Variants in C14orf132 observed in about 807,000 individuals in gnomAD.
C14orf132 encodes uncharacterized protein C14orf132.
In C14orf132, 6 loss-of-function variants were observed where a neutral mutation model predicts 5.8. The ratio of observed to expected loss-of-function variants is 1.03; its 90% CI spans 0.57 to 2.04. C14orf132 has a LOEUF of 2.04. Among genes scored for constraint, C14orf132 ranks in the 30% most tolerant of loss-of-function variants. The probability of loss-of-function intolerance (pLI) is 0.00; values close to 1 mark genes in which losing one functional copy is unlikely to be tolerated. For missense variants in C14orf132, 125 were observed against 115.8 expected (o/e 1.08, Z -0.37); for synonymous variants, 51 against 49.8 (o/e 1.02, Z -0.10).
chr14:96,064,382 A>ACG (rs1489508845), intron 1 of C14orf132, among the ~76,000 whole-genome samples: 1 of 149,432 alleles, frequency 6.7e-6, no homozygotes, highest in Non-Finnish European at 1.5e-5. Context: ...ACACACACAC[A>ACG]CACACACACA....
intron 1 of C14orf132, among the ~76,000 whole-genome samples, chr14:96,085,262 CTG>C (rs1257424689): frequency 6.6e-6 from 1 of 152,234 alleles, no homozygotes; most frequent in Non-Finnish European, 1.5e-5. Flanking sequence ...TGCTCGGTAA[CTG>C]TGCATCCGAT....
intron 1 of C14orf132, among the ~76,000 whole-genome samples, chr14:96,074,051 T>C (rs1200082667): frequency 6.6e-6 from 1 of 152,048 alleles, no homozygotes; most frequent in East Asian, 1.9e-4. Flanking sequence ...AGGGAGAGCA[T>C]CAGAAAGAAT....
At chr14:96,084,249 C>A (rs993831577) in intron 1 of C14orf132, among the ~76,000 whole-genome samples, 1 of 152,182 alleles carries the variant, frequency 6.6e-6, no homozygotes, top group Non-Finnish European at 1.5e-5. Flanking sequence ...GGGACAGGAA[C>A]GCTGGTTAAT....
rs190667161 is a variant in C14orf132, at chr14:96,068,629, G to A, written c.28-17882G>A. 3.4e-3 allele frequency among the ~76,000 whole-genome samples: 514 copies of A among 152,248 alleles called. 2 individuals are homozygous for A. The highest frequency in any genetic ancestry group is 0.017 in the Middle Eastern group (5 of 294). On this transcript the variant is annotated intron_variant, in intron 1 of 1. Transcript: ENST00000555004. ...ACGGACCATGTAGGGAGCAGCAGCC[G>A]CTTACTACCCCTGGGAGGAAAGCTT...
At chr14:96,062,350 C>G (rs1224279374) in intron 1 of C14orf132, among the ~76,000 whole-genome samples, 3 of 152,118 alleles carry the variant, frequency 2.0e-5, no homozygotes, top group Non-Finnish European at 4.4e-5. Flanking sequence ...ACCCCTAGTC[C>G]TCTTTCACCC....
chr14:96,083,835 A>G (rs1888100953), intron 1 of C14orf132, among the ~76,000 whole-genome samples: 1 of 152,196 alleles, frequency 6.6e-6, no homozygotes, highest in Non-Finnish European at 1.5e-5. Flanking sequence ...CAAAGCTATT[A>G]AATAAATACC....
At chr14:96,048,906 A>G (rs927602549) in intron 1 of C14orf132, among the ~76,000 whole-genome samples, 1 of 152,106 alleles carries the variant, frequency 6.6e-6, no homozygotes, top group East Asian at 1.9e-4. Context: ...CTATTGAAGA[A>G]CTTCTTGTTT....
intron 1 of C14orf132, among the ~76,000 whole-genome samples, chr14:96,052,404 C>A (rs535055130): frequency 7.8e-4 from 119 of 152,328 alleles, no homozygotes; most frequent in African/African-American, 2.9e-3. Flanking sequence ...GAGGCTATAC[C>A]TCTCCTCTGC....
At chr14:96,076,286 T>C (rs2139675218) in intron 1 of C14orf132, among the ~76,000 whole-genome samples, 1 of 152,368 alleles carries the variant, frequency 6.6e-6, no homozygotes, top group South Asian at 2.1e-4. Context: ...TTTCCATTTC[T>C]GATATTGGTA....
chr14:96,053,335 G>A (rs1260302108), intron 1 of C14orf132, among the ~76,000 whole-genome samples: 1 of 152,196 alleles, frequency 6.6e-6, no homozygotes, highest in Non-Finnish European at 1.5e-5. Context: ...CTCTCGCTAA[G>A]GGCACCTTGT....
rs1393279486 is a variant in C14orf132 at position 96,093,501 on chromosome 14, A to G, written c.*6766A>G. Reference sequence around the variant, plus strand: ...AGTTGAAGGCATACTAATATTCTTTATACTATTTAATCTTTTGCAGAAACC... The same window carrying G: ...AGTTGAAGGCATACTAATATTCTTTGTACTATTTAATCTTTTGCAGAAACC... On this transcript the variant is annotated 3_prime_UTR_variant, in exon 2 of 2. Transcript: ENST00000555004. 6.6e-6 allele frequency: 1 copy of G among 152,178 alleles called. No individual in the cohort carries two copies. The highest frequency in any genetic ancestry group is 1.9e-4 in the East Asian group (1 of 5,194). 9.4% of individuals were successfully genotyped at this position (152,178 alleles called of 1,614,324 possible).
chr14:96,044,063 T>G (rs558652577), intron 1 of C14orf132, among the ~76,000 whole-genome samples: 1 of 152,370 alleles, frequency 6.6e-6, no homozygotes, highest in Non-Finnish European at 1.5e-5. Context: ...TCCTTCCATG[T>G]CACCGCAGTA....
intron 1 of C14orf132, among the ~76,000 whole-genome samples, chr14:96,043,464 T>C (rs1201308530): frequency 6.6e-6 from 1 of 152,150 alleles, no homozygotes; most frequent in Non-Finnish European, 1.5e-5. Flanking sequence ...AGCTCAACCT[T>C]CTTTTTGTCT....
Position 96,079,214 on chromosome 14 carries a change from C to T in C14orf132, c.28-7297C>T, listed in dbSNP as rs887754905. On this transcript the variant is annotated intron_variant, in intron 1 of 1. Transcript: ENST00000555004. ...AGCCGAGTGCTGTGAGTTTCTGTCA[C>T]GCCATAGCACCTTAGGAGGTGGTTC... Among the ~76,000 whole-genome samples the T allele has an allele frequency of 4.6e-5, 7 of 152,284 alleles. No individual in the cohort carries two copies. In the South Asian group the frequency reaches 6.2e-4, roughly 14 times the overall value.
At chr14:96,053,045 G>C (rs1205117743) in intron 1 of C14orf132, among the ~76,000 whole-genome samples, 1 of 152,158 alleles carries the variant, frequency 6.6e-6, no homozygotes, top group East Asian at 1.9e-4. Context: ...CAAGACAGGA[G>C]ACTTCCACTT....
intron 1 of C14orf132, among the ~76,000 whole-genome samples, chr14:96,073,831 T>C (rs1473911349): frequency 2.0e-5 from 3 of 152,226 alleles, no homozygotes; most frequent in African/African-American, 7.2e-5. Flanking sequence ...ATGTGGTACA[T>C]ATATGCCATG....
In C14orf132 at chr14:96,039,849, C is replaced by T. The variant is rs937251752; in HGVS notation, c.27+322C>T. 6.6e-6 allele frequency among the ~76,000 whole-genome samples: 1 copy of T among 152,172 alleles called. No individual in the cohort carries two copies. The highest frequency in any genetic ancestry group is 6.5e-5 in the Admixed American group (1 of 15,288). On this transcript the variant is annotated intron_variant, in intron 1 of 1. Transcript: ENST00000555004. This position sits in a 1 kb window ranked among gnomAD's most constrained non-coding sequence, Gnocchi z 5.3. ...TCTGCCCATCCCCCACTGCTGTCCC[C>T]CTTCTGGGGTCCCGGAGCCCTCCAA...
intron 1 of C14orf132, among the ~76,000 whole-genome samples, chr14:96,078,335 C>T (rs1024705604): frequency 6.6e-6 from 1 of 152,238 alleles, no homozygotes; most frequent in African/African-American, 2.4e-5. Flanking sequence ...CTCAAACTGC[C>T]AGCTCACAGG....
At chr14:96,063,927 A>G (rs1887440309) in intron 1 of C14orf132, among the ~76,000 whole-genome samples, 1 of 152,108 alleles carries the variant, frequency 6.6e-6, no homozygotes, top group Non-Finnish European at 1.5e-5. Context: ...TGAATAGACA[A>G]TTTTCAAAAG....
Sources: allele counts gnomAD v4.1 joint callset (sites outside exome capture counted in the v4.1 genomes callset), GRCh38; gene constraint gnomAD v4.1.1; non-coding constraint Gnocchi (gnomAD v3.1); transcripts MANE v1.5; gene names NCBI Gene and HGNC (gene_info 2026-07-23, HGNC 2026-07-21).